The following NFAT5 variants were observed in gnomAD, a reference collection of about 807,000 sequenced individuals.
The protein encoded by NFAT5 is nuclear factor of activated T cells 5.
NFAT5 carries 31 observed loss-of-function variants against 166.5 expected under a neutral mutation model. The ratio of observed to expected loss-of-function variants is 0.19; its 90% CI spans 0.14 to 0.25. The LOEUF is 0.25. NFAT5 is among the 10% of genes least tolerant of loss of function. The probability of loss-of-function intolerance (pLI) is 1.00; values close to 1 mark genes in which losing one functional copy is unlikely to be tolerated. For missense variants in NFAT5, 1,449 were observed against 1,821.8 expected (o/e 0.80, Z 3.72); for synonymous variants, 612 against 639.7 (o/e 0.96, Z 0.65).
intron 13 of NFAT5, 67 bp from the exon 14 acceptor site, chr16:69,695,069 C>A: frequency 8.8e-7 from 1 of 1,133,394 alleles, no homozygotes. Flanking sequence ...AATCAGATAG[C>A]TTCTATTTTT....
chr16:69,694,260 ATTAC>A, intron 13 of NFAT5, 21 bp downstream of exon 13: 2 of 1,555,782 alleles, frequency 1.3e-6, no homozygotes, highest in Non-Finnish European at 1.8e-6. Flanking sequence ...CTAATTTTTC[ATTAC>A]TTAATTGGTC....
intron 4 of NFAT5, among the ~76,000 whole-genome samples, chr16:69,650,949 G>A (rs1185267829): frequency 6.6e-6 from 1 of 152,150 alleles, no homozygotes; most frequent in Admixed American, 6.5e-5. Flanking sequence ...TCTGTACCCA[G>A]AATGATGAAA....
At chr16:69,682,968 T>G (rs2037131713) in intron 10 of NFAT5, among the ~76,000 whole-genome samples, 1 of 152,148 alleles carries the variant, frequency 6.6e-6, no homozygotes, top group African/African-American at 2.4e-5. Flanking sequence ...TCCCAGCACT[T>G]TGGGAGACCG....
At position 69,623,149 on chromosome 16, in the gene NFAT5, GA is replaced by G. The variant is rs756237605; in HGVS notation, c.128-3246del. On this transcript the variant is annotated intron_variant, in intron 2 of 14. Coordinates refer to ENST00000349945, the MANE Select transcript of NFAT5 (RefSeq NM_138713.4). ...AACAAGAGAGAAACTACATCTCAAAGAAAAAAAATGGACTTGAGTGTGTTTC... is the reference window on the plus strand; with the variant it reads ...AACAAGAGAGAAACTACATCTCAAAGAAAAAAATGGACTTGAGTGTGTTTC... Among the ~76,000 whole-genome samples the G allele has an allele frequency of 1.7e-4, 25 of 151,292 alleles. No homozygotes were observed. In the East Asian group the frequency reaches 4.5e-3, roughly 27 times the overall value.
At position 69,566,371 on chromosome 16, in the gene NFAT5, C is replaced by G. The variant is rs751651727; in HGVS notation, c.70C>G (p.Arg24Gly). The G allele has an allele frequency of 9.9e-6, 15 of 1,519,642 alleles. No homozygotes were observed. Among genetic ancestry groups the G allele is most frequent in the East Asian group, 2.3e-5 (1 of 43,144 alleles). 94.1% of individuals were successfully genotyped at this position (1,519,642 alleles called of 1,614,324 possible). A position where few individuals can be genotyped will look rare whatever the true frequency, so the allele number is the denominator to read the frequency against. Residue 24 changes from arginine (R) to glycine (G), a missense_variant, in exon 1 of 15, where the codon CGA (arginine) becomes GGA (glycine). By Grantham distance (125) the Arg-to-Gly change is moderately radical (BLOSUM62 -2). Around this residue, in one of 7 missense-constraint regions of NFAT5, gnomAD observed 172 missense variants for 194.5 expected, o/e 0.88. Transcript: ENST00000349945. The surrounding 1 kb of genome is among the most constrained non-coding windows in gnomAD (Gnocchi z 5.7). ...DLESPKSLYS[R>G]DSLKLHPSQN... ...GGAATCGCCCAAGTCCCTCTACTCGCGAGGTGAGTCAGGCTGTGGGGGGTG... is the reference window on the plus strand; with the variant it reads ...GGAATCGCCCAAGTCCCTCTACTCGGGAGGTGAGTCAGGCTGTGGGGGGTG...
rs60281310 is a variant in NFAT5 at position 69,641,277 on chromosome 16, CAAAAAA to C, written c.254-5733_254-5728del. Among the ~76,000 whole-genome samples the C allele has an allele frequency of 5.2e-4, 38 of 72,886 alleles. 1 individual carries two copies. Among genetic ancestry groups the C allele is most frequent in the African/African-American group, 2.0e-3 (38 of 19,066 alleles). The allele number at this position is 72,886 out of a possible 152,430, so 47.8% of individuals were successfully genotyped here. On this transcript the variant is annotated intron_variant, in intron 3 of 14. Transcript: ENST00000349945. ...TGGGCAACAGAGTGAGACTCCGTCT[CAAAAAA>C]AAAAAAAAAAAAAAAAAGGAAATTG...
At chr16:69,586,716 T>C (rs2032091843) in intron 2 of NFAT5, among the ~76,000 whole-genome samples, 1 of 152,120 alleles carries the variant, frequency 6.6e-6, no homozygotes, top group Non-Finnish European at 1.5e-5. Flanking sequence ...ACTGGAAAAT[T>C]TTTTGACTTT....
Position 69,702,153 on chromosome 16 carries a change from A to G in NFAT5, c.*5802A>G, listed in dbSNP as rs1005370419. The G allele has an allele frequency of 2.0e-5, 3 of 152,602 alleles. No homozygotes were observed. Among genetic ancestry groups the G allele is most frequent in the African/African-American group, 4.8e-5 (2 of 41,430 alleles). 9.5% of individuals were successfully genotyped at this position (152,602 alleles called of 1,614,324 possible). On this transcript the variant is annotated 3_prime_UTR_variant, in exon 15 of 15. Coordinates refer to ENST00000349945, the MANE Select transcript of NFAT5 (RefSeq NM_138713.4). ...TTTTATGCAATATTCTTAATACCCT[A>G]TTGATATTATGCACTTTAATCATTC... is the stretch of plus-strand genomic sequence containing the variant.
At chr16:69,674,737 C>A (rs1361725067) in intron 9 of NFAT5, among the ~76,000 whole-genome samples, 1 of 152,100 alleles carries the variant, frequency 6.6e-6, no homozygotes, top group African/African-American at 2.4e-5. Flanking sequence ...ATATTCCCAA[C>A]TGTAAAATTA....
At chr16:69,620,396 A>G (rs1258339162) in intron 2 of NFAT5, among the ~76,000 whole-genome samples, 1 of 152,228 alleles carries the variant, frequency 6.6e-6, no homozygotes, top group African/African-American at 2.4e-5. Context: ...TTGATTACAC[A>G]TTATCGCACA....
At chr16:69,593,180 A>G (rs914711245) in intron 2 of NFAT5, among the ~76,000 whole-genome samples, 1 of 152,092 alleles carries the variant, frequency 6.6e-6, no homozygotes, top group Non-Finnish European at 1.5e-5. Flanking sequence ...TTTTATTTTG[A>G]TTGGTCAACT....
At chr16:69,639,637 G>A (rs971325523) in intron 3 of NFAT5, among the ~76,000 whole-genome samples, 1 of 152,072 alleles carries the variant, frequency 6.6e-6, no homozygotes, top group Admixed American at 6.5e-5. Context: ...GTATAAATTG[G>A]TATCCTTTTT....
intron 3 of NFAT5, among the ~76,000 whole-genome samples, chr16:69,629,706 C>T (rs2034621912): frequency 6.6e-6 from 1 of 150,960 alleles, no homozygotes; most frequent in Admixed American, 6.6e-5. Context: ...CCTTCAACTA[C>T]TGGGCTCAAG....
Position 69,691,022 on chromosome 16 carries a change from G to A in NFAT5, c.1857G>A (p.Met619Ile), listed in dbSNP as rs746177497. Residue 619 changes from methionine (M) to isoleucine (I), a missense_variant, in exon 12 of 15, where the codon ATG becomes ATA. This residue lies in a region of NFAT5 where 245 missense variants were observed against 366.6 expected (regional missense o/e 0.67). Transcript: ENST00000349945. ...TGACTCCACTCATACCAAGCAGTAT[G>A]ATTAAGAGTGAAGATGTTACTCCAA... The part of the protein sequence containing the change: ...ALMTPLIPSS[M>I]IKSEDVTPME... 1 of 1,608,840 alleles carries A rather than the reference G, an allele frequency of 6.2e-7. No homozygotes were observed. Among genetic ancestry groups the A allele is most frequent in the South Asian group, 1.1e-5 (1 of 89,404 alleles).
chr16:69,660,411 CA>C (rs139064660), intron 7 of NFAT5, among the ~76,000 whole-genome samples: 8,638 of 152,180 alleles, frequency 0.057, 288 homozygotes, highest in South Asian at 0.066. Flanking sequence ...GCCTGGGCAG[CA>C]GACTGCGACT....
intron 2 of NFAT5, among the ~76,000 whole-genome samples, chr16:69,588,857 A>T (rs947954141): frequency 1.3e-5 from 2 of 152,116 alleles, no homozygotes; most frequent in African/African-American, 4.8e-5. Context: ...AGGGAAGTTT[A>T]TGAAGAAAAG....
At chr16:69,676,014 G>C (rs2151683682) in intron 9 of NFAT5, among the ~76,000 whole-genome samples, 1 of 152,248 alleles carries the variant, frequency 6.6e-6, no homozygotes, top group African/African-American at 2.4e-5. Flanking sequence ...TAAATTCTCA[G>C]AAATGGAAAC....
chr16:69,575,349 G>A (rs2016685172), intron 2 of NFAT5, among the ~76,000 whole-genome samples: 1 of 152,072 alleles, frequency 6.6e-6, no homozygotes, highest in Non-Finnish European at 1.5e-5. Context: ...TGTGTTTTTA[G>A]TAGAGACAGG....
intron 2 of NFAT5, among the ~76,000 whole-genome samples, chr16:69,586,503 A>G (rs1463143118): frequency 6.6e-6 from 1 of 152,028 alleles, no homozygotes; most frequent in Admixed American, 6.6e-5. Flanking sequence ...CCCAGGTTCA[A>G]GCAATTCTCC....
Sources: gnomAD v4.1 joint callset for allele counts (sites outside exome capture counted in the v4.1 genomes callset) on GRCh38, gnomAD v4.1.1 for gene constraint, gnomAD v4.1.1 regional missense constraint, Gnocchi (gnomAD v3.1) non-coding constraint, MANE v1.5 for transcripts, NCBI Gene and HGNC (gene_info 2026-07-23, HGNC 2026-07-21) for gene names.